Variants in NF1 observed in about 807,000 individuals in gnomAD.
NF1 encodes the protein neurofibromin.
Under a neutral mutation model 325.7 loss-of-function variants are expected in NF1, and 122 were observed. The observed-to-expected ratio is 0.37, with a 90% CI of 0.32 to 0.44. NF1 has a LOEUF of 0.44. NF1 is among the 20% of genes least tolerant of loss of function. NF1 has a pLI of 1.00. For synonymous variants in NF1, 1,091 were observed against 1,186.0 expected (o/e 0.92, Z 1.65); for missense variants, 2,140 against 3,415.4 (o/e 0.63, Z 9.31).
At chr17:31,261,673 A>C (rs1458935983) in intron 34 of NF1, 38 bp from the exon 35 acceptor site, 5 of 1,611,072 alleles carry the variant, frequency 3.1e-6, no homozygotes, top group Non-Finnish European at 4.2e-6. Flanking sequence ...CTAAATGTGA[A>C]CTGCTAATTT....
chr17:31,143,963 A>T (rs1916410827), intron 1 of NF1, among the ~76,000 whole-genome samples: 1 of 152,044 alleles, frequency 6.6e-6, no homozygotes, highest in African/African-American at 2.4e-5. Context: ...CTGGGACTAC[A>T]GGCGCCTGCC....
chr17:31,351,381 A>T (rs2070138824), intron 50 of NF1, among the ~76,000 whole-genome samples: 2 of 152,142 alleles, frequency 1.3e-5, no homozygotes, highest in Admixed American at 1.3e-4. Flanking sequence ...TGATTTAGCC[A>T]TTCTACAATG....
At position 31,142,559 on chromosome 17, in the gene NF1, A is replaced by C. The variant is rs1597610422; in HGVS notation, c.61-13424A>C. Among the ~76,000 whole-genome samples, 3 of 152,272 alleles carry C rather than the reference A, an allele frequency of 2.0e-5. 1 individual carries two copies. Among genetic ancestry groups the C allele is most frequent in the Admixed American group, 2.0e-4 (3 of 15,290 alleles). On this transcript the variant is annotated intron_variant, in intron 1 of 57. Transcript: ENST00000358273. ...GTGGTCTAATTTCATTTTGCACTTT[A>C]AAAATTATTAATGAGGCCGGAAATG...
chr17:31,356,345 T>C (rs530232210), intron 51 of NF1, 115 bp from the exon 52 acceptor site: 1 of 1,058,196 alleles, frequency 9.5e-7, no homozygotes, highest in Non-Finnish European at 1.4e-6. Context: ...AGAGCTTTCT[T>C]TGAGTCCTCA....
At chr17:31,238,732 T>TAA (rs796369919) in intron 29 of NF1, among the ~76,000 whole-genome samples, 11 of 120,952 alleles carry the variant, frequency 9.1e-5, no homozygotes, top group African/African-American at 2.1e-4. Flanking sequence ...AGACTCTGTC[T>TAA]AAAAAAAAAA....
chr17:31,273,474 C>G (rs144902267), intron 36 of NF1: 2 of 152,326 alleles, frequency 1.3e-5, no homozygotes, highest in South Asian at 4.1e-4. Context: ...GAACTTAAGT[C>G]TGTGACTTAA....
At chr17:31,328,833 T>G (rs779732688) in intron 38 of NF1, among the ~76,000 whole-genome samples, 3 of 152,212 alleles carry the variant, frequency 2.0e-5, no homozygotes, top group Admixed American at 1.3e-4. Flanking sequence ...AAGATATGTT[T>G]ACTTGGATGG....
intron 36 of NF1, among the ~76,000 whole-genome samples, chr17:31,285,044 G>A (rs928137585): frequency 1.3e-5 from 2 of 152,052 alleles, no homozygotes; most frequent in African/African-American, 2.4e-5. Context: ...GCTTGAGCCC[G>A]GGAGGCAGAG....
At chr17:31,365,896 G>A (rs1414410096) in intron 57 of NF1, among the ~76,000 whole-genome samples, 1 of 149,176 alleles carries the variant, frequency 6.7e-6, no homozygotes, top group Non-Finnish European at 1.5e-5. Context: ...CCTCAAAAAT[G>A]TTTTTAAACA....
Position 31,181,500 on chromosome 17 carries a change from AC to A in NF1, c.654+13del, listed in dbSNP as rs2066132992. 1.2e-6 allele frequency: 2 copies of A among 1,612,224 alleles called. No individual in the cohort carries two copies. The highest frequency in any genetic ancestry group is 1.3e-5 in the African/African-American group (1 of 74,840). ...AATAGCCTGGAAAAGGTAAGTTACA[AC>A]CTCTCTGGTATTAAAATTTTGTTTT... On this transcript the variant is annotated intron_variant, in intron 6 of 57. Transcript: ENST00000358273.
At chr17:31,126,120 G>A (rs1388910346) in intron 1 of NF1, among the ~76,000 whole-genome samples, 2 of 152,008 alleles carry the variant, frequency 1.3e-5, no homozygotes, top group Non-Finnish European at 1.5e-5. Context: ...CCTGGGAGGC[G>A]GAGGTTGCAG....
At chr17:31,234,670 CAAAAAAA>C (rs754308242) in intron 27 of NF1, among the ~76,000 whole-genome samples, 15 of 56,234 alleles carry the variant, frequency 2.7e-4, no homozygotes, top group Non-Finnish European at 4.6e-4. Context: ...GACTCTGTCT[CAAAAAAA>C]AAAAAAAAAA....
chr17:31,240,164 T>G (rs1259092488), intron 29 of NF1, among the ~76,000 whole-genome samples: 1 of 152,218 alleles, frequency 6.6e-6, no homozygotes, highest in Non-Finnish European at 1.5e-5. Flanking sequence ...TGCTATCAGA[T>G]AACCAGATCT....
intron 8 of NF1, among the ~76,000 whole-genome samples, chr17:31,191,541 T>G (rs1161467981): frequency 2.0e-5 from 3 of 152,134 alleles, no homozygotes; most frequent in African/African-American, 7.2e-5. Context: ...ACATACTATA[T>G]GATTTCTTAA....
chr17:31,361,913 G>A (rs1407450927), intron 57 of NF1, among the ~76,000 whole-genome samples: 1 of 152,190 alleles, frequency 6.6e-6, no homozygotes, highest in Non-Finnish European at 1.5e-5. Context: ...TTCCACATTT[G>A]TCAGTCGCCT....
intron 1 of NF1, among the ~76,000 whole-genome samples, chr17:31,121,551 G>C (rs899005115): frequency 2.0e-5 from 3 of 151,764 alleles, no homozygotes; most frequent in African/African-American, 7.3e-5. Flanking sequence ...TAGGCACCCA[G>C]CTGTGGGTTT....
chr17:31,173,798 A>C (rs1435391371), intron 5 of NF1, among the ~76,000 whole-genome samples: 1 of 152,218 alleles, frequency 6.6e-6, no homozygotes, highest in African/African-American at 2.4e-5. Context: ...TATCAGTAGG[A>C]TGTCCAACAA....
chr17:31,332,104 AAAAT>A (rs1386911178), intron 39 of NF1, among the ~76,000 whole-genome samples: 5 of 152,092 alleles, frequency 3.3e-5, no homozygotes, highest in African/African-American at 1.2e-4. Flanking sequence ...TAGCTACTCA[AAAAT>A]AAACACAAGT....
intron 29 of NF1, among the ~76,000 whole-genome samples, chr17:31,238,396 C>T (rs1402796111): frequency 6.6e-6 from 1 of 152,146 alleles, no homozygotes; most frequent in Non-Finnish European, 1.5e-5. Context: ...AAGTTAGCCA[C>T]CTCCAGCCCC....
Sources: gnomAD v4.1 joint callset for allele counts (sites outside exome capture counted in the v4.1 genomes callset) on GRCh38, gnomAD v4.1.1 for gene constraint, MANE v1.5 for transcripts, NCBI Gene and HGNC (gene_info 2026-07-23, HGNC 2026-07-21) for gene names.